Variants in OR6N1 observed in about 807,000 individuals in gnomAD.
OR6N1 encodes the protein olfactory receptor 6N1.
For synonymous variants in OR6N1, 170 were observed against 150.7 expected (o/e 1.13, Z -0.94); for missense variants, 394 against 371.7 (o/e 1.06, Z -0.49).
the OR6N1 span, among the ~76,000 whole-genome samples, chr1:158,787,957 G>A: frequency 3.3e-5 from 5 of 152,158 alleles, no homozygotes; most frequent in African/African-American, 1.2e-4. Flanking sequence ...TGTCTGACAG[G>A]ATGATGGCAG....
chr1:158,780,206 T>C, the OR6N1 span, among the ~76,000 whole-genome samples: 22 of 152,178 alleles, frequency 1.4e-4, no homozygotes, highest in Non-Finnish European at 4.4e-5. Context: ...ATTCAAGAAA[T>C]AGTTTTGATC....
the OR6N1 span, among the ~76,000 whole-genome samples, chr1:158,799,525 C>T: frequency 6.6e-6 from 1 of 152,106 alleles, no homozygotes; most frequent in South Asian, 2.1e-4. Flanking sequence ...TGATTAGATC[C>T]TCTTGGTTTT....
chr1:158,785,887 CATT>C, the OR6N1 span, among the ~76,000 whole-genome samples: 1 of 152,056 alleles, frequency 6.6e-6, no homozygotes, highest in Non-Finnish European at 1.5e-5. Flanking sequence ...GCCATGTAGT[CATT>C]ATTTTAGACT....
At chr1:158,822,691 G>A in the OR6N1 span, among the ~76,000 whole-genome samples, 4 of 152,164 alleles carry the variant, frequency 2.6e-5, no homozygotes, top group African/African-American at 9.7e-5. Context: ...CTATTTGGAT[G>A]CCCTTTATTA....
chr1:158,776,927 C>G (rs750294694), upstream of OR6N1: 5 of 1,613,838 alleles, frequency 3.1e-6, no homozygotes, highest in Admixed American at 3.3e-5. Flanking sequence ...GTAGAAAAGG[C>G]CTTCTTTCTT....
At chr1:158,774,232 G>C (rs368525435), upstream of OR6N1, 3 of 152,168 alleles carry the variant, frequency 2.0e-5, no homozygotes, top group Admixed American at 6.5e-5. Flanking sequence ...GCAATGTACT[G>C]TGTGTTTATT....
intron 1 of OR6N1, among the ~76,000 whole-genome samples, chr1:158,770,310 A>T (rs1657392989): frequency 6.6e-6 from 1 of 152,174 alleles, no homozygotes; most frequent in Admixed American, 6.5e-5. Context: ...CTAAGCAATC[A>T]AAGTCATCAG....
the OR6N1 span, among the ~76,000 whole-genome samples, chr1:158,786,194 GA>G: frequency 6.6e-6 from 1 of 151,854 alleles, no homozygotes; most frequent in African/African-American, 2.4e-5. Context: ...GACATGAATA[GA>G]AAACTCTCAA....
chr1:158,776,812 G>C (rs371754716), upstream of OR6N1: 11 of 1,613,930 alleles, frequency 6.8e-6, no homozygotes, highest in African/African-American at 1.3e-5. Context: ...GTAAACTATA[G>C]CAAGTGTTCG....
At chr1:158,825,577 A>G in the OR6N1 span, among the ~76,000 whole-genome samples, 1 of 152,232 alleles carries the variant, frequency 6.6e-6, no homozygotes, top group Non-Finnish European at 1.5e-5. Context: ...ACAGTGAGAA[A>G]CCATCTCGTA....
chr1:158,822,942 CTCTT>C, the OR6N1 span, among the ~76,000 whole-genome samples: 2 of 152,120 alleles, frequency 1.3e-5, no homozygotes, highest in South Asian at 4.1e-4. Flanking sequence ...TTATCAAAAA[CTCTT>C]TCTTCATCTA....
chr1:158,837,331 G>C, the OR6N1 span, among the ~76,000 whole-genome samples: 2 of 151,704 alleles, frequency 1.3e-5, no homozygotes, highest in Non-Finnish European at 3.0e-5. Flanking sequence ...TATTACCTTA[G>C]AGTTGTCTAT....
At chr1:158,835,615 T>TG in the OR6N1 span, among the ~76,000 whole-genome samples, 316 of 38,554 alleles carry the variant, frequency 8.2e-3, 2 homozygotes, top group African/African-American at 0.015. Flanking sequence ...CTATTTTTGG[T>TG]GGGGGCGGGG....
the OR6N1 span, among the ~76,000 whole-genome samples, chr1:158,791,459 T>C: frequency 1.2e-3 from 180 of 151,320 alleles, no homozygotes; most frequent in African/African-American, 4.0e-3. Context: ...AGATACTTGA[T>C]ATGATTTTGA....
chr1:158,766,500 G>A lies in OR6N1; in HGVS notation c.183C>T (p.His61=). The part of the protein sequence containing the change: ...LDSRLHTPMY[H]FVSILSFSEL... ...CTGAGAAGGAGAGAATGCTGACAAA[G>A]TGGTACATGGGTGTGTGAAGCCGGG... The change falls in exon 2 of 2, where the codon CAC becomes CAT. Residue 61 remains histidine (H), a synonymous_variant. Transcript: ENST00000641846. The A allele has an allele frequency of 1.2e-6, 2 of 1,614,192 alleles. No homozygotes were observed. Among genetic ancestry groups the A allele is most frequent in the Non-Finnish European group, 1.7e-6 (2 of 1,180,024 alleles).
At chr1:158,770,356 T>C (rs1396484771) in intron 1 of OR6N1, among the ~76,000 whole-genome samples, 1 of 152,184 alleles carries the variant, frequency 6.6e-6, no homozygotes, top group Non-Finnish European at 1.5e-5. Context: ...CACGGAAAAC[T>C]AGCACCCCCA....
chr1:158,826,055 G>A, the OR6N1 span, among the ~76,000 whole-genome samples: 7 of 152,024 alleles, frequency 4.6e-5, no homozygotes, highest in East Asian at 1.4e-3. Context: ...TTGTAAGTGG[G>A]AGCCAAACAA....
At chr1:158,810,409 C>T in the OR6N1 span, among the ~76,000 whole-genome samples, 4 of 152,104 alleles carry the variant, frequency 2.6e-5, no homozygotes, top group South Asian at 2.1e-4. Context: ...CCTGGAAATG[C>T]GGGCCTCCCA....
the OR6N1 span, among the ~76,000 whole-genome samples, chr1:158,836,670 C>A: frequency 8.8e-4 from 133 of 151,524 alleles, no homozygotes; most frequent in African/African-American, 3.0e-3. Flanking sequence ...TTCAGAAAAC[C>A]AACTCTTTTT....
Sources: allele counts gnomAD v4.1 joint callset (sites outside exome capture counted in the v4.1 genomes callset), GRCh38; gene constraint gnomAD v4.1.1; transcripts MANE v1.5; gene names NCBI Gene and HGNC (gene_info 2026-07-23, HGNC 2026-07-21).